The following STARD13 variants were observed in gnomAD, a reference collection of about 807,000 sequenced individuals.
STARD13 encodes StAR related lipid transfer domain containing 13, also known as stAR-related lipid transfer protein 13.
A neutral mutation model predicts 106.4 loss-of-function variants in STARD13; 62 were observed. The ratio of observed to expected loss-of-function variants is 0.58; its 90% CI spans 0.48 to 0.72. The LOEUF (loss-of-function observed/expected upper bound fraction) is 0.72. Ranked by LOEUF, STARD13 falls within the 30% of genes least tolerant of loss-of-function variation. The pLI is 0.00. For synonymous variants in STARD13, 565 were observed against 553.0 expected, an observed-to-expected ratio of 1.02 and a Z score of -0.31; for missense variants, 1,387 against 1,424.0, an observed-to-expected ratio of 0.97 and a Z score of 0.42.
At chr13:33,557,668 C>T in the STARD13 span, among the ~76,000 whole-genome samples, 3 of 152,132 alleles carry the variant, frequency 2.0e-5, no homozygotes, top group Non-Finnish European at 2.9e-5. Flanking sequence ...TTATTGCTTA[C>T]TGAAAACTCA....
At chr13:33,438,416 C>A in the STARD13 span, among the ~76,000 whole-genome samples, 61 of 152,296 alleles carry the variant, frequency 4.0e-4, 1 homozygote, top group East Asian at 5.0e-3. Context: ...TGGACACATT[C>A]ATATGATTTT....
At chr13:33,458,722 C>G in the STARD13 span, among the ~76,000 whole-genome samples, 1 of 151,774 alleles carries the variant, frequency 6.6e-6, no homozygotes, top group Non-Finnish European at 1.5e-5. Context: ...TACAAAAGGG[C>G]ATCTTCTTGC....
chr13:33,528,239 T>C, the STARD13 span, among the ~76,000 whole-genome samples: 4 of 131,164 alleles, frequency 3.0e-5, no homozygotes, highest in South Asian at 2.2e-4. Context: ...TATATATATA[T>C]ATACATATAT....
chr13:33,137,504 C>T (rs1879211244), intron 4 of STARD13, among the ~76,000 whole-genome samples: 1 of 152,214 alleles, frequency 6.6e-6, no homozygotes, highest in African/African-American at 2.4e-5. Flanking sequence ...ATATTCTGTG[C>T]TTCACCAGGG....
Position 33,110,000 on chromosome 13 carries a change from G to A in STARD13, c.2920C>T (p.Arg974Cys), listed in dbSNP as rs961752399. 7 of 1,614,048 alleles carry A rather than the reference G, an allele frequency of 4.3e-6. No homozygotes were observed. The African/African-American group carries it at 6.7e-5, about 15-fold the overall frequency. ...SVVLNRVLRE[R>C]HLWDEDFVQW... Reference sequence around the variant, plus strand: ...ACAAAGTCCTCGTCCCACAGGTGGCGCTCTCTCAGCACGCGGTTCAGGACC... The same window carrying A: ...ACAAAGTCCTCGTCCCACAGGTGGCACTCTCTCAGCACGCGGTTCAGGACC... Residue 974 changes from arginine (R) to cysteine (C), a missense_variant, in exon 12 of 14, where the codon CGC becomes TGC. Arg to Cys is a radical substitution (Grantham distance 180). Transcript: ENST00000336934.
At chr13:33,605,065 C>G in the STARD13 span, among the ~76,000 whole-genome samples, 1 of 151,378 alleles carries the variant, frequency 6.6e-6, no homozygotes. Context: ...ACAGTGAGAC[C>G]CTATCTCTAC....
At chr13:33,185,542 G>C (rs1028035064) in intron 1 of STARD13, among the ~76,000 whole-genome samples, 2 of 152,046 alleles carry the variant, frequency 1.3e-5, no homozygotes, top group East Asian at 1.9e-4. Context: ...GCTCAGCCTG[G>C]GTCCCTGATA....
At chr13:33,458,525 A>C in the STARD13 span, among the ~76,000 whole-genome samples, 2 of 152,150 alleles carry the variant, frequency 1.3e-5, no homozygotes, top group South Asian at 4.1e-4. Context: ...CAATTCTTTT[A>C]GTCTCACTAG....
intron 3 of STARD13, 70 bp from the exon 4 acceptor site, chr13:33,142,443 C>G: frequency 7.3e-7 from 1 of 1,376,686 alleles, no homozygotes; most frequent in Non-Finnish European, 1.0e-6. Context: ...TGATAATCCT[C>G]CTTTATTTCC....
chr13:33,117,721 T>A (rs1875597307), intron 8 of STARD13: 1 of 908,180 alleles, frequency 1.1e-6, no homozygotes, highest in Non-Finnish European at 1.3e-6. Flanking sequence ...AAAAATTGAA[T>A]AAGTTTTAAT....
intron 1 of STARD13, among the ~76,000 whole-genome samples, chr13:33,317,901 AT>A (rs1893402217): frequency 1.3e-5 from 2 of 152,166 alleles, no homozygotes; most frequent in Admixed American, 1.3e-4. Context: ...TTTGTCAAAT[AT>A]TTTTATACAT....
the STARD13 span, among the ~76,000 whole-genome samples, chr13:33,430,116 A>G: frequency 0.26 from 39,290 of 152,032 alleles, 6,075 homozygotes; most frequent in Non-Finnish European, 0.35. Context: ...ACGGGGTTTC[A>G]CCATGTTAGC....
chr13:33,650,191 T>G, the STARD13 span, among the ~76,000 whole-genome samples: 2 of 100,466 alleles, frequency 2.0e-5, no homozygotes, highest in African/African-American at 1.0e-4. Flanking sequence ...TTTTTTTTTT[T>G]TTTTTTTTTT....
upstream of STARD13, among the ~76,000 whole-genome samples, chr13:33,286,011 G>C (rs986706146): frequency 6.6e-6 from 1 of 152,052 alleles, no homozygotes; most frequent in Non-Finnish European, 1.5e-5. Flanking sequence ...GAAAAAGAGA[G>C]AGGGAAGGGC....
the STARD13 span, among the ~76,000 whole-genome samples, chr13:33,652,724 C>G: frequency 1.3e-5 from 2 of 152,000 alleles, no homozygotes; most frequent in Admixed American, 6.6e-5. Context: ...GGCAAGTTCC[C>G]TAACTTCTTT....
the STARD13 span, among the ~76,000 whole-genome samples, chr13:33,455,561 GC>G: frequency 6.6e-6 from 1 of 152,278 alleles, no homozygotes; most frequent in East Asian, 1.9e-4. Context: ...ACAAGAGCCT[GC>G]CAGCTAAATC....
At chr13:33,590,867 AT>A in the STARD13 span, among the ~76,000 whole-genome samples, 25 of 152,330 alleles carry the variant, frequency 1.6e-4, no homozygotes, top group Non-Finnish European at 1.2e-4. Context: ...AAACAAAAAA[AT>A]AATTTAAGTT....
At chr13:33,540,164 GTACCC>G in the STARD13 span, among the ~76,000 whole-genome samples, 1 of 152,280 alleles carries the variant, frequency 6.6e-6, no homozygotes, top group South Asian at 2.1e-4. Context: ...ACCTCAGAGA[GTACCC>G]TACCCTAAAT....
chr13:33,491,789 T>C, the STARD13 span, among the ~76,000 whole-genome samples: 3 of 152,338 alleles, frequency 2.0e-5, no homozygotes, highest in South Asian at 4.1e-4. Flanking sequence ...TTGAAACCTG[T>C]TGTCCCAGAG....
Sources: allele counts gnomAD v4.1 joint callset (sites outside exome capture counted in the v4.1 genomes callset), GRCh38; gene constraint gnomAD v4.1.1; transcripts MANE v1.5; gene names NCBI Gene and HGNC (gene_info 2026-07-23, HGNC 2026-07-21).